Variants in EIF4EBP1 observed in about 807,000 individuals in gnomAD.
EIF4EBP1 encodes eukaryotic translation initiation factor 4E binding protein 1.
EIF4EBP1 carries 5 observed loss-of-function variants against 9.2 expected under a neutral mutation model. The observed-to-expected ratio is 0.54, with a 90% CI of 0.28 to 1.14. The LOEUF (loss-of-function observed/expected upper bound fraction) is 1.14, where lower values mean the gene tolerates loss of function less well. Ranked by LOEUF, EIF4EBP1 falls within the 50% of genes most tolerant of loss-of-function variation. The pLI is 0.09. For synonymous variants in EIF4EBP1, 62 were observed against 67.0 expected (o/e 0.93, Z 0.36); for missense variants, 139 against 169.6 (o/e 0.82, Z 1.00).
intron 2 of EIF4EBP1, among the ~76,000 whole-genome samples, chr8:38,057,996 C>T (rs117065098): frequency 0.01 from 1,527 of 152,278 alleles, 15 homozygotes; most frequent in South Asian, 0.068. Context: ...ACCCTTCACC[C>T]GGAAGGCCGT....
chr8:38,039,018 G>A (rs1585523389), intron 1 of EIF4EBP1, among the ~76,000 whole-genome samples: 1 of 151,228 alleles, frequency 6.6e-6, no homozygotes, highest in South Asian at 2.1e-4. Flanking sequence ...TCAGCCTCCT[G>A]AGTAGCTGGG....
chr8:38,031,419 G>C (rs374835754), intron 1 of EIF4EBP1, among the ~76,000 whole-genome samples: 2 of 152,060 alleles, frequency 1.3e-5, no homozygotes, highest in Non-Finnish European at 2.9e-5. Flanking sequence ...TGGCACGGGT[G>C]GGGGGGCCAG....
Position 38,037,144 on chromosome 8 carries a change from G to A in EIF4EBP1, c.145+6426G>A, listed in dbSNP as rs554328695. Among the ~76,000 whole-genome samples the A allele has an allele frequency of 3.9e-5, 6 of 152,088 alleles. No homozygotes were observed. The South Asian group carries it at 8.3e-4, about 21-fold the overall frequency. ...ATGATTCATAGCGAATGAATCACACGTTTTTGTTTACGTGTTTGTTCCCTA... is the reference window on the plus strand; with the variant it reads ...ATGATTCATAGCGAATGAATCACACATTTTTGTTTACGTGTTTGTTCCCTA... On this transcript the variant is annotated intron_variant, in intron 1 of 2. Coordinates refer to ENST00000338825, the MANE Select transcript of EIF4EBP1 (RefSeq NM_004095.4).
At chr8:38,049,981 G>A (rs1809497970) in intron 1 of EIF4EBP1, among the ~76,000 whole-genome samples, 1 of 151,326 alleles carries the variant, frequency 6.6e-6, no homozygotes, top group Non-Finnish European at 1.5e-5. Context: ...GCACAATCTC[G>A]GCTCACTGCA....
intron 2 of EIF4EBP1, 134 bp from the exon 3 acceptor site, chr8:38,059,770 A>G (rs1159157363): frequency 1.1e-5 from 10 of 949,826 alleles, no homozygotes; most frequent in Non-Finnish European, 1.6e-5. Context: ...AAAAAAAACA[A>G]AAAAACAAAA....
chr8:38,051,885 C>T (rs1180899537), intron 1 of EIF4EBP1, among the ~76,000 whole-genome samples: 1 of 152,218 alleles, frequency 6.6e-6, no homozygotes, highest in Non-Finnish European at 1.5e-5. Context: ...GCGTGAGCCA[C>T]TGCGCCCAGC....
At position 38,047,490 on chromosome 8, in the gene EIF4EBP1, T is replaced by TTG. The variant is rs201618104; in HGVS notation, c.146-9590_146-9589insGT. 8.0e-3 allele frequency: 517 copies of TTG among 64,764 alleles called. 5 individuals are homozygous for TTG. Among genetic ancestry groups the TTG allele is most frequent in the African/African-American group, 0.016 (302 of 18,742 alleles). The allele number at this position is 64,764 out of a possible 1,614,324, so 4.0% of individuals were successfully genotyped here. On this transcript the variant is annotated intron_variant, in intron 1 of 2. Transcript: ENST00000338825. ...TAGTGTAGGGTTTTGGGTTTTGTTT[T>TTG]TTTTTTTTTTTTGAGACAGAGTCTC...
chr8:38,038,895 A>G (rs929561813), intron 1 of EIF4EBP1, among the ~76,000 whole-genome samples: 1 of 151,294 alleles, frequency 6.6e-6, no homozygotes, highest in African/African-American at 2.4e-5. Context: ...ACTTCCTTAA[A>G]ACATTATGAA....
chr8:38,034,516 G>A (rs1244382303), intron 1 of EIF4EBP1, among the ~76,000 whole-genome samples: 1 of 152,196 alleles, frequency 6.6e-6, no homozygotes, highest in Non-Finnish European at 1.5e-5. Context: ...CAGCTCATTA[G>A]CCAGCAGAAC....
intron 1 of EIF4EBP1, among the ~76,000 whole-genome samples, chr8:38,039,418 T>G (rs1265920097): frequency 6.7e-6 from 1 of 149,586 alleles, no homozygotes; most frequent in African/African-American, 2.5e-5. Context: ...TTTTTTTTTT[T>G]TTTTTGAGTT....
intron 1 of EIF4EBP1, among the ~76,000 whole-genome samples, chr8:38,039,075 A>G (rs1462664149): frequency 6.6e-6 from 1 of 151,850 alleles, no homozygotes. Context: ...TATTTTTAGT[A>G]GAAATGGTGT....
intron 1 of EIF4EBP1, among the ~76,000 whole-genome samples, chr8:38,056,800 A>C (rs1809600948): frequency 6.6e-6 from 1 of 151,678 alleles, no homozygotes; most frequent in Admixed American, 6.6e-5. Context: ...AGTAGCTGGG[A>C]TTACAGGCTA....
intron 1 of EIF4EBP1, among the ~76,000 whole-genome samples, chr8:38,035,266 G>A (rs944448401): frequency 3.9e-5 from 6 of 152,052 alleles, no homozygotes; most frequent in African/African-American, 1.4e-4. Context: ...TGCCCAGGCT[G>A]GAGTGCAGTG....
At chr8:38,046,612 G>T (rs1809452345) in intron 1 of EIF4EBP1, among the ~76,000 whole-genome samples, 1 of 152,188 alleles carries the variant, frequency 6.6e-6, no homozygotes, top group Non-Finnish European at 1.5e-5. Flanking sequence ...ATAATAACTA[G>T]AATTGTATGG....
intron 1 of EIF4EBP1, among the ~76,000 whole-genome samples, chr8:38,040,850 G>C (rs561889175): frequency 6.6e-6 from 1 of 151,808 alleles, no homozygotes; most frequent in African/African-American, 2.4e-5. Context: ...GATTCAGGGA[G>C]AGGGGAAATA....
Position 38,060,051 on chromosome 8 carries a change from C to T in EIF4EBP1, c.*116C>T, listed in dbSNP as rs1048013311. On this transcript the variant is annotated 3_prime_UTR_variant, in exon 3 of 3. Coordinates refer to ENST00000338825, the MANE Select transcript of EIF4EBP1 (RefSeq NM_004095.4). ...TACTGGGCAGGCGTTGGCGTGGGGTCGGACACCCCAGCCCTTTCTCCCTCA... is the reference window on the plus strand; with the variant it reads ...TACTGGGCAGGCGTTGGCGTGGGGTTGGACACCCCAGCCCTTTCTCCCTCA... 171 of 1,050,474 alleles carry T rather than the reference C, an allele frequency of 1.6e-4. No homozygotes were observed. The highest frequency in any genetic ancestry group is 2.5e-4 in the Non-Finnish European group (168 of 673,322). 65.1% of individuals were successfully genotyped at this position (1,050,474 alleles called of 1,614,324 possible).
chr8:38,035,520 A>ATTATTTTATT (rs113130853), intron 1 of EIF4EBP1, among the ~76,000 whole-genome samples: 2 of 150,308 alleles, frequency 1.3e-5, no homozygotes, highest in African/African-American at 4.9e-5. Flanking sequence ...ACCCGGCCTT[A>ATTATTTTATT]TTATTTTATT....
At position 38,042,211 on chromosome 8, in the gene EIF4EBP1, T is replaced by C. The variant is rs559864718; in HGVS notation, c.145+11493T>C. Among the ~76,000 whole-genome samples, 20 of 152,298 alleles carry C rather than the reference T, an allele frequency of 1.3e-4. No individual in the cohort carries two copies. In the South Asian group the frequency reaches 3.9e-3, roughly 30 times the overall value. ...TACCATGTGAATATCCTTAATTTTC[T>C]GTAGTACTTGCAATAGGATGGACTC... On this transcript the variant is annotated intron_variant, in intron 1 of 2. Transcript: ENST00000338825.
At chr8:38,034,951 T>C (rs1054071017) in intron 1 of EIF4EBP1, among the ~76,000 whole-genome samples, 6 of 152,178 alleles carry the variant, frequency 3.9e-5, no homozygotes, top group Non-Finnish European at 8.8e-5. Flanking sequence ...TTACCTGAGC[T>C]TCCTTTTAAA....
Sources: allele counts gnomAD v4.1 joint callset (sites outside exome capture counted in the v4.1 genomes callset), GRCh38; gene constraint gnomAD v4.1.1; transcripts MANE v1.5; gene names NCBI Gene and HGNC (gene_info 2026-07-23, HGNC 2026-07-21).